IFT74: variants seen among roughly 807,000 people sequenced by gnomAD.
The protein encoded by IFT74 is intraflagellar transport 74, also known as intraflagellar transport protein 74 homolog.
IFT74 carries 92 observed loss-of-function variants against 96.7 expected under a neutral mutation model. That is an observed-to-expected ratio of 0.95 (90% CI 0.80 to 1.13). The LOEUF is 1.13. Ranked by LOEUF, IFT74 falls within the 50% of genes most tolerant of loss-of-function variation. The probability of loss-of-function intolerance (pLI) is 0.00; values close to 1 mark genes in which losing one functional copy is unlikely to be tolerated. For missense variants in IFT74, 811 were observed against 698.2 expected, an observed-to-expected ratio of 1.16 and a Z score of -1.82; for synonymous variants, 223 against 213.2, an observed-to-expected ratio of 1.05 and a Z score of -0.40.
At chr9:27,044,006 T>A (rs1381664110) in intron 13 of IFT74, among the ~76,000 whole-genome samples, 1 of 152,236 alleles carries the variant, frequency 6.6e-6, no homozygotes, top group Non-Finnish European at 1.5e-5. Flanking sequence ...GTAATTGTCC[T>A]TAGGAGAAAG....
At chr9:26,982,451 A>ATT (rs56756518) in intron 4 of IFT74, 6,363 of 214,512 alleles carry the variant, frequency 0.03, 45 homozygotes, top group African/African-American at 0.053. Flanking sequence ...TAATTTTTGT[A>ATT]TTTTTTTTTT....
chr9:26,969,945 G>A (rs996918115), intron 2 of IFT74, among the ~76,000 whole-genome samples: 2 of 151,956 alleles, frequency 1.3e-5, no homozygotes, highest in Non-Finnish European at 2.9e-5. Flanking sequence ...ATTCGTGGCT[G>A]ACAATTTTTT....
rs118135084 is a variant in IFT74 at position 27,009,492 on chromosome 9, C to T, written c.726+334C>T. 8.8e-3 allele frequency among the ~76,000 whole-genome samples: 1,339 copies of T among 152,094 alleles called. 12 individuals are homozygous for T. The highest frequency in any genetic ancestry group is 0.028 in the South Asian group (134 of 4,820). ...ATAAATATTTGCATTTATAAAAGTA[C>T]TTTTCTATAAATGTTTGCATTGATA... On this transcript the variant is annotated intron_variant, in intron 9 of 19. Transcript: ENST00000380062.
At chr9:27,047,491 A>G in intron 15 of IFT74, 120 bp downstream of exon 15, 1 of 570,118 alleles carries the variant, frequency 1.8e-6, no homozygotes, top group Non-Finnish European at 3.1e-6. Context: ...GCTTCCTTTC[A>G]ATTCCCTTAC....
rs1335228236 is a variant in IFT74 at position 26,995,259 on chromosome 9, C to T, written c.587+5064C>T. ...AATAATTTAGACCTTTTTACTAGTT[C>T]GTATGGTCACCCAAGCACTGCTAAG... On this transcript the variant is annotated intron_variant, in intron 8 of 19. Coordinates refer to ENST00000380062, the MANE Select transcript of IFT74 (RefSeq NM_025103.4). 7 of 259,772 alleles carry T rather than the reference C, an allele frequency of 2.7e-5. No individual in the cohort carries two copies. The East Asian group carries it at 2.9e-4, about 11-fold the overall frequency. The allele number at this position is 259,772 out of a possible 1,614,324, so 16.1% of individuals were successfully genotyped here.
At chr9:27,037,664 G>T (rs1482215663) in intron 13 of IFT74, among the ~76,000 whole-genome samples, 3 of 152,212 alleles carry the variant, frequency 2.0e-5, no homozygotes, top group Non-Finnish European at 4.4e-5. Flanking sequence ...TTACTCTGGT[G>T]CTATGTGGCA....
rs988068666 is a variant in IFT74, at chr9:26,998,181, C to T, written c.587+7986C>T. ...TAACTGAGATCAAGTATAGTAACATCTTTCTTGATATCTGCTGGAATCAAG... is the reference window on the plus strand; with the variant it reads ...TAACTGAGATCAAGTATAGTAACATTTTTCTTGATATCTGCTGGAATCAAG... On this transcript the variant is annotated intron_variant, in intron 8 of 19. Coordinates refer to ENST00000380062, the MANE Select transcript of IFT74 (RefSeq NM_025103.4). The T allele has an allele frequency of 4.5e-6, 7 of 1,570,460 alleles. No homozygotes were observed. The African/African-American group carries it at 6.8e-5, about 15-fold the overall frequency.
intron 13 of IFT74, chr9:27,036,789 ATC>A (rs1490259766): frequency 2.4e-5 from 27 of 1,116,088 alleles, no homozygotes; most frequent in Non-Finnish European, 2.6e-5. Context: ...AAATTCTTAG[ATC>A]TTTTGAAAAG....
At chr9:27,014,967 G>A (rs1446644169) in intron 10 of IFT74, among the ~76,000 whole-genome samples, 1 of 152,142 alleles carries the variant, frequency 6.6e-6, no homozygotes, top group East Asian at 1.9e-4. Flanking sequence ...GTCAGATAGT[G>A]GTCAATCAAC....
intron 6 of IFT74, among the ~76,000 whole-genome samples, chr9:26,986,996 A>AT (rs1365685127): frequency 2.0e-5 from 3 of 152,060 alleles, no homozygotes; most frequent in South Asian, 2.1e-4. Context: ...ATTCACTGGG[A>AT]TTTTCTTTAG....
chr9:27,032,255 T>C (rs1039293219), intron 13 of IFT74, among the ~76,000 whole-genome samples: 10 of 152,172 alleles, frequency 6.6e-5, no homozygotes, highest in Non-Finnish European at 1.3e-4. Context: ...GCTTCCAAAA[T>C]GTTATTGCTG....
chr9:26,988,223 A>T (rs1469959871), intron 6 of IFT74, among the ~76,000 whole-genome samples: 1 of 152,130 alleles, frequency 6.6e-6, no homozygotes, highest in Non-Finnish European at 1.5e-5. Flanking sequence ...AAGTGCTGGG[A>T]TTACAGGCCT....
chr9:27,050,129 C>G (rs1417846968), intron 16 of IFT74, among the ~76,000 whole-genome samples: 1 of 152,138 alleles, frequency 6.6e-6, no homozygotes, highest in Non-Finnish European at 1.5e-5. Context: ...GTGATCACAG[C>G]TCACTGCAGC....
intron 9 of IFT74, among the ~76,000 whole-genome samples, chr9:27,011,454 TTA>T (rs924241034): frequency 2.4e-4 from 35 of 148,482 alleles, no homozygotes; most frequent in Non-Finnish European, 4.1e-4. Context: ...TGTGCATGTG[TTA>T]TATGTGTGTG....
In IFT74 at chr9:27,054,447, C is replaced by T. The variant is rs138199308; in HGVS notation, c.1334-1162C>T. The stretch of plus-strand genomic sequence containing the variant: ...TTATTGTAAATACTTATTTAATTGC[C>T]TGCTTCTACCTCTAAAATACAGCTC... On this transcript the variant is annotated intron_variant, in intron 16 of 19. Transcript: ENST00000380062. Among the ~76,000 whole-genome samples the T allele has an allele frequency of 2.1e-4, 32 of 152,212 alleles. No homozygotes were observed. In the East Asian group the frequency reaches 6.0e-3, roughly 28 times the overall value.
At chr9:27,038,668 T>C (rs965845929) in intron 13 of IFT74, among the ~76,000 whole-genome samples, 5 of 152,168 alleles carry the variant, frequency 3.3e-5, no homozygotes, top group Admixed American at 1.3e-4. Context: ...TAGAAGAGCA[T>C]AGAGAAACCC....
chr9:27,062,507 T>C (rs1820472051), intron 19 of IFT74, 111 bp from the exon 20 acceptor site: 1 of 623,280 alleles, frequency 1.6e-6, no homozygotes, highest in Admixed American at 3.0e-5. Flanking sequence ...AGTATTCTAA[T>C]TGTGCTTTTT....
chr9:27,019,834 T>G (rs1370677337), intron 12 of IFT74, among the ~76,000 whole-genome samples: 1 of 152,086 alleles, frequency 6.6e-6, no homozygotes, highest in African/African-American at 2.4e-5. Context: ...GTTTAACTTT[T>G]TGAAGAACTA....
intron 10 of IFT74, among the ~76,000 whole-genome samples, chr9:27,013,202 C>G (rs1156667943): frequency 4.6e-5 from 7 of 152,136 alleles, no homozygotes; most frequent in Non-Finnish European, 7.4e-5. Context: ...TTCCTACGTG[C>G]TATGCTAGCT....
Sources: allele counts gnomAD v4.1 joint callset (sites outside exome capture counted in the v4.1 genomes callset), GRCh38; gene constraint gnomAD v4.1.1; transcripts MANE v1.5; gene names NCBI Gene and HGNC (gene_info 2026-07-23, HGNC 2026-07-21).